The following PCDHA7 variants were observed in gnomAD, a reference collection of about 807,000 sequenced individuals.
The protein encoded by PCDHA7 is protocadherin alpha-7.
A neutral mutation model predicts 57.2 loss-of-function variants in PCDHA7; 37 were observed. The ratio of observed to expected loss-of-function variants is 0.65; its 90% CI spans 0.50 to 0.85. PCDHA7 has a LOEUF of 0.85. PCDHA7 is among the 40% of genes least tolerant of loss of function. The pLI is 0.00. For synonymous variants in PCDHA7, 553 were observed against 558.8 expected, an observed-to-expected ratio of 0.99 and a Z score of 0.15; for missense variants, 1,188 against 1,241.8, an observed-to-expected ratio of 0.96 and a Z score of 0.65.
chr5:140,999,480 A>G, intron 3 of PCDHA7, among the ~76,000 whole-genome samples: 1 of 152,176 alleles, frequency 6.6e-6, no homozygotes, highest in East Asian at 1.9e-4. Flanking sequence ...ATTCCAACTC[A>G]AGTCTATGTT....
chr5:140,877,389 G>T, intron 1 of PCDHA7: 1 of 1,613,994 alleles, frequency 6.2e-7, no homozygotes, highest in Non-Finnish European at 8.5e-7. Context: ...TCCTGGATGA[G>T]GCGGACGCTC....
chr5:140,857,226 C>G, intron 1 of PCDHA7: 2 of 1,598,494 alleles, frequency 1.3e-6, no homozygotes, highest in Non-Finnish European at 1.7e-6. Context: ...CCTCACGTTC[C>G]GTTCAAGCTG....
At chr5:140,929,424 A>G in intron 1 of PCDHA7, 1 of 1,496,380 alleles carries the variant, frequency 6.7e-7, no homozygotes, top group East Asian at 2.3e-5. Flanking sequence ...ACATTTCATC[A>G]ATTGAACTAA....
At chr5:140,925,505 C>T (rs528944783) in intron 1 of PCDHA7, among the ~76,000 whole-genome samples, 5 of 151,936 alleles carry the variant, frequency 3.3e-5, no homozygotes, top group African/African-American at 4.8e-5. Context: ...CCAATATCCA[C>T]GCAAAAGACC....
intron 1 of PCDHA7, chr5:140,857,623 G>T (rs1554150390): frequency 2.5e-6 from 4 of 1,596,656 alleles, no homozygotes; most frequent in Non-Finnish European, 8.6e-7. Flanking sequence ...TGGACCACGA[G>T]GAGCTGGAGC....
rs146607016 is a variant in PCDHA7, at chr5:140,835,699, C to A, written c.1316C>A (p.Ala439Asp). 1.1e-4 allele frequency: 183 copies of A among 1,613,916 alleles called. 1 individual carries two copies. The highest frequency in any genetic ancestry group is 1.4e-4 in the Non-Finnish European group (162 of 1,179,884). Residue 439 changes from alanine to aspartate, a missense_variant, in exon 1 of 4, where the codon GCT (alanine) becomes GAT (aspartate). Ala to Asp is a moderately radical substitution (Grantham distance 126). Transcript: ENST00000525929. ...GGCTCGCCTTCTCTGTGGGCCACTGCTAGCGTGTCCGTGGAGGTGGCCGAC... is the reference window on the plus strand; with the variant it reads ...GGCTCGCCTTCTCTGTGGGCCACTGATAGCGTGTCCGTGGAGGTGGCCGAC... ...DGGSPSLWAT[A>D]SVSVEVADVN...
rs2150249894 is a variant in PCDHA7, at chr5:140,835,997, C to G, written c.1614C>G (p.Arg538=). 18 of 1,613,302 alleles carry G rather than the reference C, an allele frequency of 1.1e-5. No homozygotes were observed. Among genetic ancestry groups the G allele is most frequent in the East Asian group, 4.5e-5 (2 of 44,848 alleles). The change falls in exon 1 of 4, where the codon CGC becomes CGG. Residue 538 remains arginine, a synonymous_variant. Transcript: ENST00000525929. ...LELLQFQVSA[R]DAGVPPLGSN... ...TGTTGCAGTTCCAGGTGAGCGCGCG[C>G]GATGCGGGCGTGCCGCCTCTGGGCA... is the stretch of plus-strand genomic sequence containing the variant.
intron 1 of PCDHA7, among the ~76,000 whole-genome samples, chr5:140,903,031 A>G (rs1411414428): frequency 1.3e-5 from 2 of 152,188 alleles, no homozygotes; most frequent in Admixed American, 1.3e-4. Flanking sequence ...TGGCTTGCAC[A>G]TGTGTCTTTT....
chr5:140,851,679 C>A, intron 1 of PCDHA7: 1 of 915,664 alleles, frequency 1.1e-6, no homozygotes, highest in Non-Finnish European at 1.3e-6. Context: ...AAATTTTCTC[C>A]ATTCAGTGAT....
In PCDHA7 at chr5:140,870,873, G is replaced by A. The variant is rs782065354; in HGVS notation, c.2355+34135G>A. 5 of 1,613,840 alleles carry A rather than the reference G, an allele frequency of 3.1e-6. No individual in the cohort carries two copies. The Admixed American group carries it at 5.0e-5, about 16-fold the overall frequency. On this transcript the variant is annotated intron_variant, in intron 1 of 3. Transcript: ENST00000525929. ...GGTCGGTGGGTGCGGGCCACGTGGTGGCGAAGGTGCGCGCAGTGGATGCGG... is the reference window on the plus strand; with the variant it reads ...GGTCGGTGGGTGCGGGCCACGTGGTAGCGAAGGTGCGCGCAGTGGATGCGG...
At chr5:140,850,051 C>A in intron 1 of PCDHA7, 1 of 1,596,418 alleles carries the variant, frequency 6.3e-7, no homozygotes, top group Non-Finnish European at 8.6e-7. Flanking sequence ...AAGGTGTACG[C>A]GCTGCAGCCG....
intron 1 of PCDHA7, chr5:140,881,244 C>A (rs1219638908): frequency 4.8e-5 from 19 of 396,890 alleles, no homozygotes; most frequent in Non-Finnish European, 6.2e-5. Context: ...ATTTAAATGA[C>A]GGCAAGGTTT....
At chr5:141,006,169 A>G (rs553035949) in intron 3 of PCDHA7, among the ~76,000 whole-genome samples, 4 of 149,840 alleles carry the variant, frequency 2.7e-5, no homozygotes, top group Non-Finnish European at 5.9e-5. Flanking sequence ...TCTGATTTAT[A>G]TTTTTAAAAG....
chr5:140,840,656 A>T (rs1281424347), intron 1 of PCDHA7, among the ~76,000 whole-genome samples: 3 of 152,078 alleles, frequency 2.0e-5, no homozygotes, highest in Non-Finnish European at 4.4e-5. Flanking sequence ...TGTAAAGAAT[A>T]TGCACATACA....
intron 3 of PCDHA7, among the ~76,000 whole-genome samples, chr5:140,986,690 AAC>A (rs2097209708): frequency 6.6e-6 from 1 of 152,172 alleles, no homozygotes; most frequent in South Asian, 2.1e-4. Context: ...AAAGTTTCAA[AAC>A]ACACAGCACT....
At chr5:140,946,631 T>TATATATATAC (rs57893927) in intron 1 of PCDHA7, among the ~76,000 whole-genome samples, 18,480 of 131,524 alleles carry the variant, frequency 0.14, 1,838 homozygotes, top group East Asian at 0.38. Context: ...TATATATATA[T>TATATATATAC]ACAATGGAAT....
chr5:140,865,315 G>A (rs183867521), intron 1 of PCDHA7: 43 of 152,182 alleles, frequency 2.8e-4, no homozygotes, highest in African/African-American at 7.9e-4. Flanking sequence ...CAAATGAGAT[G>A]GCCTTTAATT....
intron 1 of PCDHA7, among the ~76,000 whole-genome samples, chr5:140,959,379 A>T (rs2095484732): frequency 6.6e-6 from 1 of 152,176 alleles, no homozygotes; most frequent in Admixed American, 6.5e-5. Context: ...GTCTCAAAAA[A>T]AAAAGTCACA....
chr5:140,988,847 C>A (rs2097315589), intron 3 of PCDHA7: 1 of 152,186 alleles, frequency 6.6e-6, no homozygotes, highest in African/African-American at 2.4e-5. Context: ...CTCCTGAAAC[C>A]TATCCAGTCT....
Sources: gnomAD v4.1 joint callset for allele counts (sites outside exome capture counted in the v4.1 genomes callset) on GRCh38, gnomAD v4.1.1 for gene constraint, MANE v1.5 for transcripts, NCBI Gene and HGNC (gene_info 2026-07-23, HGNC 2026-07-21) for gene names.